ANKRD28: variants seen among roughly 807,000 people sequenced by gnomAD.
The protein encoded by ANKRD28 is serine/threonine-protein phosphatase 6 regulatory ankyrin repeat subunit A.
ANKRD28 carries 44 observed loss-of-function variants against 126.5 expected under a neutral mutation model. The ratio of observed to expected loss-of-function variants is 0.35; its 90% CI spans 0.27 to 0.45. The LOEUF (loss-of-function observed/expected upper bound fraction) is 0.45, where lower values mean the gene tolerates loss of function less well. Among genes scored for constraint, ANKRD28 ranks in the 20% least tolerant of loss-of-function variants. ANKRD28 has a pLI of 1.00. For missense variants in ANKRD28, 1,110 were observed against 1,316.6 expected (o/e 0.84, Z 2.43); for synonymous variants, 442 against 468.5 (o/e 0.94, Z 0.73).
At chr3:15,777,965 A>C (rs1575643594) in intron 2 of ANKRD28, among the ~76,000 whole-genome samples, 1 of 151,916 alleles carries the variant, frequency 6.6e-6, no homozygotes, top group East Asian at 1.9e-4. Flanking sequence ...TTAGATCATA[A>C]ACTTGCTGAA....
chr3:15,769,162 TCTGTG>T (rs1472040142), intron 2 of ANKRD28, among the ~76,000 whole-genome samples: 1 of 152,164 alleles, frequency 6.6e-6, no homozygotes, highest in Non-Finnish European at 1.5e-5. Context: ...AAGTGAGTCA[TCTGTG>T]TGTGAGGGAT....
At chr3:15,782,340 C>G (rs1343524312) in intron 2 of ANKRD28, among the ~76,000 whole-genome samples, 1 of 151,918 alleles carries the variant, frequency 6.6e-6, no homozygotes, top group Non-Finnish European at 1.5e-5. Context: ...AAATAAAATG[C>G]CACTTACATT....
chr3:15,698,229 G>A (rs907360816), intron 14 of ANKRD28, among the ~76,000 whole-genome samples: 1 of 152,090 alleles, frequency 6.6e-6, no homozygotes, highest in Non-Finnish European at 1.5e-5. Flanking sequence ...AGGTATTGAT[G>A]GAATGTATCT....
In ANKRD28 at chr3:15,670,378, CATG is replaced by C. The variant is rs762339299; in HGVS notation, c.3141_3143del (p.Ile1047del). ...TGCAATAGGAGCTAGGTTCATTCCTCATGATGGGCAAAGCTTCAAAGCTGACTG... is the reference window on the plus strand; with the variant it reads ...TGCAATAGGAGCTAGGTTCATTCCTCATGGGCAAAGCTTCAAAGCTGACTG... On this transcript the variant is annotated inframe_deletion, in exon 28 of 28. Coordinates refer to ENST00000683139, the MANE Select transcript of ANKRD28 (RefSeq NM_001349278.2). 6.2e-7 allele frequency: 1 copy of C among 1,613,938 alleles called. No homozygotes were observed. Among genetic ancestry groups the C allele is most frequent in the Non-Finnish European group, 8.5e-7 (1 of 1,179,860 alleles).
chr3:15,755,083 C>T (rs545667164), intron 3 of ANKRD28, among the ~76,000 whole-genome samples: 14 of 152,022 alleles, frequency 9.2e-5, no homozygotes, highest in Admixed American at 3.9e-4. Context: ...GAGCCTAGAC[C>T]GTGCCATTGC....
chr3:15,768,532 G>A (rs768086447), intron 2 of ANKRD28, among the ~76,000 whole-genome samples: 5 of 152,110 alleles, frequency 3.3e-5, no homozygotes, highest in African/African-American at 4.8e-5. Flanking sequence ...GCATGCACCT[G>A]TAGTCCTAGG....
intron 4 of ANKRD28, among the ~76,000 whole-genome samples, chr3:15,748,020 A>G (rs1347799387): frequency 6.6e-6 from 1 of 152,102 alleles, no homozygotes; most frequent in Non-Finnish European, 1.5e-5. Context: ...ATCCCTGCTC[A>G]CATTTGGTGT....
intron 1 of ANKRD28, among the ~76,000 whole-genome samples, chr3:15,826,552 G>A (rs2166756): frequency 0.089 from 13,537 of 152,164 alleles, 663 homozygotes; most frequent in African/African-American, 0.12. Flanking sequence ...AAAAAGGGGA[G>A]CAGAGCTCTA....
intron 8 of ANKRD28, among the ~76,000 whole-genome samples, chr3:15,719,148 C>A (rs2073413294): frequency 6.6e-6 from 1 of 151,822 alleles, no homozygotes; most frequent in African/African-American, 2.4e-5. Context: ...TTTTTTCTTC[C>A]TTGGGTGTAG....
intron 6 of ANKRD28, among the ~76,000 whole-genome samples, chr3:15,727,553 CG>C (rs1258820301): frequency 2.9e-5 from 2 of 68,688 alleles, no homozygotes; most frequent in African/African-American, 1.4e-4. Flanking sequence ...GGCAACAAAG[CG>C]AAACTCTGTC....
rs2060791166 is a variant in ANKRD28, at chr3:15,814,455, A to G, written c.28-19149T>C. On this transcript the variant is annotated intron_variant, in intron 1 of 27. Transcript: ENST00000399451. This position sits in a 1 kb window ranked among gnomAD's most constrained non-coding sequence, Gnocchi z 4.7. Reference sequence around the variant, plus strand: ...CTTACTTTGGATTTTATTAATTCAGAATTTACTTTTATCCTTCTATCAAGA... The same window carrying G: ...CTTACTTTGGATTTTATTAATTCAGGATTTACTTTTATCCTTCTATCAAGA... 1 of 293,810 alleles carries G rather than the reference A, an allele frequency of 3.4e-6. No homozygotes were observed. The highest frequency in any genetic ancestry group is 5.6e-6 in the Non-Finnish European group (1 of 177,586). 18.2% of individuals were successfully genotyped at this position (293,810 alleles called of 1,614,324 possible). A position where few individuals can be genotyped will look rare whatever the true frequency, so the allele number is the denominator to read the frequency against.
intron 2 of ANKRD28, among the ~76,000 whole-genome samples, chr3:15,767,908 C>CAT (rs1559499386): frequency 1.3e-4 from 19 of 150,886 alleles, no homozygotes; most frequent in African/African-American, 4.6e-4. Context: ...CAAAACAAAA[C>CAT]AACAAAAACA....
In ANKRD28 at chr3:15,704,727, T is replaced by C. The variant is rs116812011; in HGVS notation, c.1547+3197A>G. Among the ~76,000 whole-genome samples the C allele has an allele frequency of 4.4e-3, 667 of 152,180 alleles. 3 individuals carry two copies. Among genetic ancestry groups the C allele is most frequent in the African/African-American group, 0.015 (634 of 41,526 alleles). Reference sequence around the variant, plus strand: ...AATATTTTTTACAATTTAAGAAAAATAAATCCTTTAATGCCACTGTTTAAG... The same window carrying C: ...AATATTTTTTACAATTTAAGAAAAACAAATCCTTTAATGCCACTGTTTAAG... On this transcript the variant is annotated intron_variant, in intron 14 of 27. Coordinates refer to ENST00000683139, the MANE Select transcript of ANKRD28 (RefSeq NM_001349278.2).
At chr3:15,805,803 A>G (rs1340642276) in intron 1 of ANKRD28, among the ~76,000 whole-genome samples, 1 of 152,204 alleles carries the variant, frequency 6.6e-6, no homozygotes, top group Non-Finnish European at 1.5e-5. Flanking sequence ...TGGTTACAAA[A>G]TGTTTACCTT....
At chr3:15,859,322 C>T (rs567824847) in intron 1 of ANKRD28, 149 of 1,514,916 alleles carry the variant, frequency 9.8e-5, no homozygotes, top group Non-Finnish European at 1.2e-4. Context: ...GCCGGTCCGC[C>T]CTGCTTCCCT....
At chr3:15,820,790 CA>C (rs2060927096) in intron 1 of ANKRD28, among the ~76,000 whole-genome samples, 1 of 151,916 alleles carries the variant, frequency 6.6e-6, no homozygotes, top group South Asian at 2.1e-4. Flanking sequence ...GATGATATCA[CA>C]AAAAAAGAAA....
chr3:15,702,156 T>C (rs1229097228), intron 14 of ANKRD28, among the ~76,000 whole-genome samples: 2 of 152,228 alleles, frequency 1.3e-5, no homozygotes, highest in African/African-American at 4.8e-5. Context: ...AAATGACTTT[T>C]CCCAAATCCT....
At position 15,853,945 on chromosome 3, in the gene ANKRD28, T is replaced by A. The variant is rs1276389342; in HGVS notation, c.27+5432A>T. Among the ~76,000 whole-genome samples, 1 of 152,184 alleles carries A rather than the reference T, an allele frequency of 6.6e-6. No homozygotes were observed. Among genetic ancestry groups the A allele is most frequent in the African/African-American group, 2.4e-5 (1 of 41,440 alleles). On this transcript the variant is annotated intron_variant, in intron 1 of 27. Coordinates refer to the ANKRD28 transcript ENST00000399451. The surrounding 1 kb of genome is among the most constrained non-coding windows in gnomAD (Gnocchi z 4.2). Reference sequence around the variant, plus strand: ...GATATACTCACTCTCATTCAAACTTTTGCCTAGTACTTAATGTTCTCGATC... The same window carrying A: ...GATATACTCACTCTCATTCAAACTTATGCCTAGTACTTAATGTTCTCGATC...
At chr3:15,730,910 C>T (rs567486448) in intron 6 of ANKRD28, among the ~76,000 whole-genome samples, 11 of 152,112 alleles carry the variant, frequency 7.2e-5, no homozygotes, top group South Asian at 2.1e-4. Flanking sequence ...TCTGTCCTCA[C>T]GAACATATCA....
Sources: gnomAD v4.1 joint callset for allele counts (sites outside exome capture counted in the v4.1 genomes callset) on GRCh38, gnomAD v4.1.1 for gene constraint, Gnocchi (gnomAD v3.1) non-coding constraint, MANE v1.5 for transcripts, NCBI Gene and HGNC (gene_info 2026-07-23, HGNC 2026-07-21) for gene names.